MAP3K20: variants seen among roughly 807,000 people sequenced by gnomAD.
MAP3K20 encodes HCCS-4.
MAP3K20 carries 40 observed loss-of-function variants against 85.7 expected under a neutral mutation model. The ratio of observed to expected loss-of-function variants is 0.47; its 90% CI spans 0.36 to 0.61. The LOEUF (loss-of-function observed/expected upper bound fraction) is 0.61, where lower values mean the gene tolerates loss of function less well. Among genes scored for constraint, MAP3K20 ranks in the 20% least tolerant of loss-of-function variants. The pLI is 0.00. For missense variants in MAP3K20, 817 were observed against 961.7 expected (o/e 0.85, Z 1.99); for synonymous variants, 325 against 327.7 (o/e 0.99, Z 0.09).
rs1294993047 is a variant in MAP3K20, at chr2:173,238,357, A to G, written c.1204-16A>G. On this transcript the variant is annotated splice_polypyrimidine_tract_variant and intron_variant, in intron 14 of 19. Transcript: ENST00000375213. Reference sequence around the variant, plus strand: ...ATTACTGGATCATTAATAAAGTCATATGATTTTTTTTACAGTCAGCCATTG... The same window carrying G: ...ATTACTGGATCATTAATAAAGTCATGTGATTTTTTTTACAGTCAGCCATTG... 2.5e-6 allele frequency: 4 copies of G among 1,604,370 alleles called. No homozygotes were observed. The highest frequency in any genetic ancestry group is 1.1e-5 in the South Asian group (1 of 90,356).
intron 2 of MAP3K20, 74 bp downstream of exon 2, chr2:173,091,264 G>T (rs1687290599): frequency 6.6e-7 from 1 of 1,506,646 alleles, no homozygotes; most frequent in African/African-American, 1.4e-5. Context: ...GAGTTAGAGG[G>T]TCACAGGGCT....
chr2:173,080,613 G>C (rs1239373911), intron 1 of MAP3K20, among the ~76,000 whole-genome samples: 1 of 152,224 alleles, frequency 6.6e-6, no homozygotes, highest in Non-Finnish European at 1.5e-5. Context: ...TAAAGGTTCT[G>C]CTTCCCAGTA....
At chr2:173,075,611 A>C (rs750765272), upstream of MAP3K20, 154 of 354,140 alleles carry the variant, frequency 4.3e-4, no homozygotes, top group Admixed American at 9.0e-4. Flanking sequence ...CAAAAAGATG[A>C]GTTAAGGTGC....
At chr2:173,205,011 G>A (rs2106294756) in intron 9 of MAP3K20, among the ~76,000 whole-genome samples, 1 of 150,848 alleles carries the variant, frequency 6.6e-6, no homozygotes, top group Non-Finnish European at 1.5e-5. Flanking sequence ...GCTGAGGCAG[G>A]AGAATGGCAT....
chr2:173,153,915 T>C (rs980647876), intron 2 of MAP3K20, among the ~76,000 whole-genome samples: 4 of 152,238 alleles, frequency 2.6e-5, no homozygotes, highest in African/African-American at 9.6e-5. Flanking sequence ...TTAAATTTTT[T>C]CCAATATTTT....
chr2:173,134,050 G>A (rs951659191), intron 2 of MAP3K20, among the ~76,000 whole-genome samples: 1 of 151,422 alleles, frequency 6.6e-6, no homozygotes, highest in Non-Finnish European at 1.5e-5. Flanking sequence ...CAGTGGACTG[G>A]GGTTTGAGAA....
chr2:173,075,635 G>C (rs1343740516), upstream of MAP3K20: 4 of 628,842 alleles, frequency 6.4e-6, no homozygotes, highest in Admixed American at 6.3e-5. Context: ...GGGCGAGGGG[G>C]AACACCCCCA....
chr2:173,174,149 T>G (rs774958869), intron 3 of MAP3K20, among the ~76,000 whole-genome samples: 63 of 152,200 alleles, frequency 4.1e-4, no homozygotes, highest in Non-Finnish European at 6.9e-4. Context: ...GAAATAAAGG[T>G]AATAATATTG....
chr2:173,161,888 C>T lies in MAP3K20; in HGVS notation c.160-7917C>T, dbSNP rs140652521. 2.5e-3 allele frequency among the ~76,000 whole-genome samples: 386 copies of T among 152,220 alleles called. 3 individuals are homozygous for T. Among genetic ancestry groups the T allele is most frequent in the African/African-American group, 9.0e-3 (372 of 41,522 alleles). ...ACTAAATGAGTTTTTATATGCCTACCGTAGTCCTGGGAAGGTAAGGAAAGA... is the reference window on the plus strand; with the variant it reads ...ACTAAATGAGTTTTTATATGCCTACTGTAGTCCTGGGAAGGTAAGGAAAGA... On this transcript the variant is annotated intron_variant, in intron 2 of 19. Coordinates refer to ENST00000375213, the MANE Select transcript of MAP3K20 (RefSeq NM_016653.3).
intron 16 of MAP3K20, among the ~76,000 whole-genome samples, chr2:173,240,118 AGT>A (rs1684748181): frequency 1.3e-5 from 2 of 152,222 alleles, no homozygotes; most frequent in South Asian, 4.1e-4. Flanking sequence ...ACAGTACTGA[AGT>A]GTGAAAACTA....
At chr2:173,121,664 G>A (rs1368912405) in intron 2 of MAP3K20, among the ~76,000 whole-genome samples, 1 of 152,186 alleles carries the variant, frequency 6.6e-6, no homozygotes, top group Non-Finnish European at 1.5e-5. Flanking sequence ...TGGGATTACA[G>A]TCGTGAGCCA....
chr2:173,155,779 G>A (rs546244339), intron 2 of MAP3K20, among the ~76,000 whole-genome samples: 1 of 152,260 alleles, frequency 6.6e-6, no homozygotes, highest in South Asian at 2.1e-4. Flanking sequence ...AAATGTTGTT[G>A]TGGTACCCTA....
chr2:173,166,915 T>G (rs1020614167), intron 2 of MAP3K20: 1 of 140,738 alleles, frequency 7.1e-6, no homozygotes, highest in Admixed American at 7.4e-5. Context: ...TTTCTGTTTT[T>G]TTTTTTTTTT....
At chr2:173,229,810 A>G in intron 12 of MAP3K20, 77 bp downstream of exon 12, 1 of 1,509,292 alleles carries the variant, frequency 6.6e-7, no homozygotes, top group South Asian at 1.1e-5. Flanking sequence ...TTAGGGGAAG[A>G]GATTGGGCCT....
At chr2:173,193,305 TTA>T (rs1690719820) in intron 7 of MAP3K20, among the ~76,000 whole-genome samples, 1 of 152,238 alleles carries the variant, frequency 6.6e-6, no homozygotes, top group Non-Finnish European at 1.5e-5. Context: ...ATTTTTGCAC[TTA>T]TGAGTCCACA....
intron 2 of MAP3K20, among the ~76,000 whole-genome samples, chr2:173,149,225 A>G (rs1038591704): frequency 6.6e-6 from 1 of 152,238 alleles, no homozygotes; most frequent in South Asian, 2.1e-4. Flanking sequence ...CACTGTACAA[A>G]GTGTTCTTGT....
chr2:173,098,420 C>T (rs1365636422), intron 2 of MAP3K20, among the ~76,000 whole-genome samples: 2 of 152,184 alleles, frequency 1.3e-5, no homozygotes, highest in African/African-American at 4.8e-5. Flanking sequence ...CCTCATGTAA[C>T]AGGTCGCAGT....
At chr2:173,192,435 AAT>A (rs1690685151) in intron 7 of MAP3K20, among the ~76,000 whole-genome samples, 1 of 152,324 alleles carries the variant, frequency 6.6e-6, no homozygotes, top group Non-Finnish European at 1.5e-5. Flanking sequence ...TCAAGAATGA[AAT>A]ATGTTTTTGA....
At chr2:173,111,315 G>A (rs963401301) in intron 2 of MAP3K20, among the ~76,000 whole-genome samples, 1 of 152,050 alleles carries the variant, frequency 6.6e-6, no homozygotes. Flanking sequence ...TGTAGATTCT[G>A]GATATTAGTC....
Sources: gnomAD v4.1 joint callset for allele counts (sites outside exome capture counted in the v4.1 genomes callset) on GRCh38, gnomAD v4.1.1 for gene constraint, MANE v1.5 for transcripts, NCBI Gene and HGNC (gene_info 2026-07-23, HGNC 2026-07-21) for gene names.